Variants in FBXW8 observed in about 807,000 individuals in gnomAD.
The protein encoded by FBXW8 is F-box and WD repeat domain containing 8.
In FBXW8, 57 loss-of-function variants were observed where a neutral mutation model predicts 65.3. That is an observed-to-expected ratio of 0.87 (90% CI 0.71 to 1.09). FBXW8 has a LOEUF of 1.09. Among genes scored for constraint, FBXW8 ranks in the 50% least tolerant of loss-of-function variants. FBXW8 has a pLI of 0.00. For synonymous variants in FBXW8, 308 were observed against 330.2 expected (o/e 0.93, Z 0.73); for missense variants, 777 against 814.8 (o/e 0.95, Z 0.57).
Position 117,028,379 on chromosome 12 carries a change from G to A in FBXW8, c.*207G>A, listed in dbSNP as rs953554481. On this transcript the variant is annotated 3_prime_UTR_variant, in exon 11 of 11. Coordinates refer to ENST00000652555, the MANE Select transcript of FBXW8 (RefSeq NM_153348.3). This position sits in a 1 kb window ranked among gnomAD's most constrained non-coding sequence, Gnocchi z 4.1. ...GCGTGTGCCAGGGCTCGAGTCCCAC[G>A]TGCTGCCAACTCAAACATAGCCTCC... 22 of 629,552 alleles carry A rather than the reference G, an allele frequency of 3.5e-5. No individual in the cohort carries two copies. The East Asian group carries it at 4.3e-4, about 12-fold the overall frequency. The allele number at this position is 629,552 out of a possible 1,614,324, so 39.0% of individuals were successfully genotyped here. A position where few individuals can be genotyped will look rare whatever the true frequency, so the allele number is the denominator to read the frequency against.
chr12:117,025,656 G>C (rs1200075546), intron 9 of FBXW8, among the ~76,000 whole-genome samples: 1 of 152,172 alleles, frequency 6.6e-6, no homozygotes, highest in Non-Finnish European at 1.5e-5. Flanking sequence ...CCGCCCCCTC[G>C]CTGTGGCTGT....
intron 4 of FBXW8, among the ~76,000 whole-genome samples, chr12:116,956,684 C>G (rs979338922): frequency 3.3e-5 from 5 of 152,172 alleles, no homozygotes. Context: ...TAATTTTAAA[C>G]AGGGCAGGCA....
At chr12:116,967,681 G>A (rs996730786) in intron 5 of FBXW8, among the ~76,000 whole-genome samples, 1 of 151,934 alleles carries the variant, frequency 6.6e-6, no homozygotes, top group African/African-American at 2.4e-5. Context: ...TTTTCTTTTG[G>A]GTTGTCATCT....
At chr12:117,004,858 C>T (rs574426092) in intron 7 of FBXW8, among the ~76,000 whole-genome samples, 1 of 152,204 alleles carries the variant, frequency 6.6e-6, no homozygotes, top group Non-Finnish European at 1.5e-5. Flanking sequence ...CTTGAATGCT[C>T]TCTTAACTTC....
chr12:116,982,243 T>C (rs1220384158), intron 5 of FBXW8, among the ~76,000 whole-genome samples: 2 of 152,146 alleles, frequency 1.3e-5, no homozygotes, highest in Non-Finnish European at 2.9e-5. Context: ...CAAGACCAAC[T>C]ACATGCTGTC....
At chr12:116,955,741 G>T (rs548894608) in intron 4 of FBXW8, among the ~76,000 whole-genome samples, 1 of 152,178 alleles carries the variant, frequency 6.6e-6, no homozygotes, top group African/African-American at 2.4e-5. Context: ...GACTGTTCTC[G>T]TCTTCCTTCT....
At chr12:117,000,500 C>T (rs1234272690) in intron 7 of FBXW8, among the ~76,000 whole-genome samples, 1 of 152,220 alleles carries the variant, frequency 6.6e-6, no homozygotes, top group African/African-American at 2.4e-5. Context: ...TGAGCACTGG[C>T]CCCACCCCCG....
At chr12:117,023,440 G>T (rs1165228279) in intron 8 of FBXW8, among the ~76,000 whole-genome samples, 1 of 152,146 alleles carries the variant, frequency 6.6e-6, no homozygotes, top group African/African-American at 2.4e-5. Flanking sequence ...ACCAAGTAGG[G>T]TGGTGTTTGT....
intron 1 of FBXW8, among the ~76,000 whole-genome samples, chr12:116,914,266 CT>C (rs1295144840): frequency 1.3e-5 from 2 of 151,774 alleles, no homozygotes; most frequent in East Asian, 3.9e-4. Context: ...CAGCAAGACC[CT>C]GTCAAAAGCA....
chr12:116,919,149 G>A (rs1880680547), intron 1 of FBXW8, among the ~76,000 whole-genome samples: 1 of 152,134 alleles, frequency 6.6e-6, no homozygotes, highest in Admixed American at 6.5e-5. Flanking sequence ...GGATAAGGGG[G>A]GACGACTGTG....
At chr12:116,988,243 A>C (rs1953146605) in intron 6 of FBXW8, among the ~76,000 whole-genome samples, 1 of 152,174 alleles carries the variant, frequency 6.6e-6, no homozygotes, top group Non-Finnish European at 1.5e-5. Flanking sequence ...GTCAGAGTGC[A>C]TGTTCATTTG....
At chr12:117,023,081 T>C (rs1565946553) in intron 8 of FBXW8, among the ~76,000 whole-genome samples, 1 of 152,236 alleles carries the variant, frequency 6.6e-6, no homozygotes, top group Non-Finnish European at 1.5e-5. Flanking sequence ...CTTTCTTTAT[T>C]ATGCCTTCAC....
At chr12:117,000,496 C>A (rs1447646350) in intron 7 of FBXW8, among the ~76,000 whole-genome samples, 8 of 152,256 alleles carry the variant, frequency 5.3e-5, no homozygotes, top group Non-Finnish European at 8.8e-5. Context: ...ACACTGAGCA[C>A]TGGCCCCACC....
chr12:117,007,912 C>G (rs1167812615), intron 7 of FBXW8, among the ~76,000 whole-genome samples: 1 of 152,116 alleles, frequency 6.6e-6, no homozygotes, highest in Non-Finnish European at 1.5e-5. Context: ...AATGTGTTTT[C>G]TAATCTCTGT....
intron 8 of FBXW8, among the ~76,000 whole-genome samples, chr12:117,017,474 T>C (rs1398752625): frequency 6.6e-6 from 1 of 152,166 alleles, no homozygotes; most frequent in Non-Finnish European, 1.5e-5. Flanking sequence ...TACCTGAAAA[T>C]ACACTTTTTT....
chr12:116,946,924 G>C (rs1882970799), intron 3 of FBXW8, among the ~76,000 whole-genome samples: 1 of 152,096 alleles, frequency 6.6e-6, no homozygotes, highest in Admixed American at 6.5e-5. Flanking sequence ...TTTCTCTCCA[G>C]AAAGGAGAGA....
At chr12:116,932,645 C>A (rs796481026) in intron 2 of FBXW8, among the ~76,000 whole-genome samples, 1 of 152,190 alleles carries the variant, frequency 6.6e-6, no homozygotes, top group East Asian at 1.9e-4. Flanking sequence ...AAGCTATTCT[C>A]CTGCCTCAGC....
intron 1 of FBXW8, among the ~76,000 whole-genome samples, chr12:116,927,588 A>G (rs188009556): frequency 4.4e-4 from 67 of 152,252 alleles, no homozygotes; most frequent in Non-Finnish European, 8.4e-4. Flanking sequence ...AGTTGAGAGT[A>G]GTGGTGGTTG....
intron 2 of FBXW8, among the ~76,000 whole-genome samples, chr12:116,940,498 T>C (rs1882488087): frequency 6.7e-6 from 1 of 149,482 alleles, no homozygotes; most frequent in African/African-American, 2.5e-5. Flanking sequence ...GTGGGCTTTT[T>C]TTTTTTTTCC....
Sources: gnomAD v4.1 joint callset for allele counts (sites outside exome capture counted in the v4.1 genomes callset) on GRCh38, gnomAD v4.1.1 for gene constraint, Gnocchi (gnomAD v3.1) non-coding constraint, MANE v1.5 for transcripts, NCBI Gene and HGNC (gene_info 2026-07-23, HGNC 2026-07-21) for gene names.